NKIRAS2: variants seen among roughly 807,000 people sequenced by gnomAD.
NKIRAS2 encodes NF-kappa-B inhibitor-interacting Ras-like protein 2.
A neutral mutation model predicts 20.7 loss-of-function variants in NKIRAS2; 15 were observed. That is an observed-to-expected ratio of 0.73 (90% CI 0.49 to 1.12). The LOEUF (loss-of-function observed/expected upper bound fraction) is 1.12, where lower values mean the gene tolerates loss of function less well. Among genes scored for constraint, NKIRAS2 ranks in the 50% most tolerant of loss-of-function variants. The pLI is 0.00. For missense variants in NKIRAS2, 196 were observed against 249.6 expected (o/e 0.79, Z 1.45); for synonymous variants, 116 against 101.4 (o/e 1.14, Z -0.87).
At position 42,023,971 on chromosome 17, in the gene NKIRAS2, A is replaced by G; in HGVS notation, c.*78A>G. 1 of 1,556,596 alleles carries G rather than the reference A, an allele frequency of 6.4e-7. No individual in the cohort carries two copies. The highest frequency in any genetic ancestry group is 1.7e-4 in the Middle Eastern group (1 of 5,758). On this transcript the variant is annotated 3_prime_UTR_variant, in exon 4 of 4. Transcript: ENST00000393885. The stretch of plus-strand genomic sequence containing the variant: ...CTGGTAGATGTGTTGAGGGCAAAGT[A>G]GAGGACAAGCTGTCTTTCCCAGTCA...
chr17:42,018,158 T>C (rs1330940928), upstream of NKIRAS2, among the ~76,000 whole-genome samples: 1 of 151,840 alleles, frequency 6.6e-6, no homozygotes, highest in Non-Finnish European at 1.5e-5. Flanking sequence ...GCTCGCGGGG[T>C]GAGGTCCTTG....
chr17:42,020,635 G>T (rs1222851059), intron 1 of NKIRAS2: 1 of 152,180 alleles, frequency 6.6e-6, no homozygotes, highest in Non-Finnish European at 1.5e-5. Flanking sequence ...TTTTCCGTAG[G>T]TTTCTTCATT....
chr17:42,018,485 A>T (rs2052366314), upstream of NKIRAS2: 1 of 152,238 alleles, frequency 6.6e-6, no homozygotes, highest in South Asian at 2.1e-4. Flanking sequence ...TACTCTGCCT[A>T]TCCCAGTGTG....
chr17:42,019,809 C>T (rs376929659), upstream of NKIRAS2, among the ~76,000 whole-genome samples: 1 of 152,244 alleles, frequency 6.6e-6, no homozygotes, highest in Non-Finnish European at 1.5e-5. Context: ...AGATGATGCT[C>T]AGAAAACATT....
chr17:42,022,993 TTTTG>T (rs34613358), intron 3 of NKIRAS2: 11,813 of 286,622 alleles, frequency 0.041, 310 homozygotes, highest in East Asian at 0.085. Flanking sequence ...AAAGCCCTTC[TTTTG>T]TTTGTTTGTT....
At chr17:42,018,842 C>G (rs1004644017), upstream of NKIRAS2, among the ~76,000 whole-genome samples, 1 of 152,162 alleles carries the variant, frequency 6.6e-6, no homozygotes, top group Non-Finnish European at 1.5e-5. Context: ...ATCCAACTAT[C>G]TACTGGATAT....
Position 42,022,454 on chromosome 17 carries a change from C to G in NKIRAS2, c.150C>G (p.Asp50Glu), listed in dbSNP as rs1317516311. Residue 50 changes from aspartate to glutamate, a missense_variant, in exon 3 of 4, where the codon GAC (aspartate) becomes GAG (glutamate). Coordinates refer to ENST00000393885, the MANE Select transcript of NKIRAS2 (RefSeq NM_017595.6). ...TCTACGTGGGCTCCATTGAGACAGA[C>G]CGGGGGGTGCGAGAGCAGGTGCGTT... ...EDIYVGSIET[D>E]RGVREQVRFY... 6.2e-7 allele frequency: 1 copy of G among 1,610,892 alleles called. No homozygotes were observed. Among genetic ancestry groups the G allele is most frequent in the Non-Finnish European group, 8.5e-7 (1 of 1,177,416 alleles).
chr17:42,023,350 G>C (rs1227457082), intron 3 of NKIRAS2, among the ~76,000 whole-genome samples: 1 of 152,212 alleles, frequency 6.6e-6, no homozygotes, highest in Non-Finnish European at 1.5e-5. Context: ...AGGGTTCTGG[G>C]AGTGCTTCCT....
intron 2 of NKIRAS2, chr17:42,021,941 G>A: frequency 1.6e-6 from 1 of 634,448 alleles, no homozygotes; most frequent in East Asian, 3.5e-5. Flanking sequence ...CGGGTGCGGT[G>A]GATCACGCCT....
chr17:42,022,434 G>C lies in NKIRAS2; in HGVS notation c.130G>C (p.Val44Leu). 2 of 1,598,864 alleles carry C rather than the reference G, an allele frequency of 1.3e-6. No individual in the cohort carries two copies. The highest frequency in any genetic ancestry group is 1.7e-6 in the Non-Finnish European group (2 of 1,167,928). The change falls in exon 3 of 4, where the codon GTG (valine) becomes CTG (leucine). Residue 44 changes from valine (V) to leucine (L), a missense_variant. Val to Leu is a conservative substitution (Grantham distance 32). Coordinates refer to ENST00000393885, the MANE Select transcript of NKIRAS2 (RefSeq NM_017595.6). The part of the protein sequence containing the change: ...EMIETQEDIY[V>L]GSIETDRGVR... ...GATCGAGACGCAGGAGGACATCTAC[G>C]TGGGCTCCATTGAGACAGACCGGGG...
chr17:42,023,937 T>C lies in NKIRAS2; in HGVS notation c.*44T>C, dbSNP rs782810651. 1.2e-6 allele frequency: 2 copies of C among 1,600,404 alleles called. No individual in the cohort carries two copies. On this transcript the variant is annotated 3_prime_UTR_variant, in exon 4 of 4. Transcript: ENST00000393885. ...TCACGATCCCAGCCCCATTTCAGTG[T>C]CTGGGGCTCTGGTAGATGTGTTGAG...
At position 42,023,852 on chromosome 17, in the gene NKIRAS2, C is replaced by G. The variant is rs782606464; in HGVS notation, c.535C>G (p.Leu179Val). ...ACCCCAGAGCAAGTCTGCCTTCCCC[C>G]TCAGCCGGAAGAACAAGGGCAGCGG... ...TQPQSKSAFPLSRKNKGSGSL... is the reference protein window; with the variant it reads ...TQPQSKSAFPVSRKNKGSGSL... The change falls in exon 4 of 4, where the codon CTC becomes GTC. Residue 179 changes from leucine (L) to valine (V), a missense_variant. Coordinates refer to ENST00000393885, the MANE Select transcript of NKIRAS2 (RefSeq NM_017595.6). 1 of 1,614,094 alleles carries G rather than the reference C, an allele frequency of 6.2e-7. No homozygotes were observed.
intron 2 of NKIRAS2, 106 bp downstream of exon 2, chr17:42,021,777 C>T (rs2143439005): frequency 9.6e-7 from 1 of 1,040,582 alleles, no homozygotes; most frequent in South Asian, 1.3e-5. Flanking sequence ...TGGTTTTCCC[C>T]CCTGGAAGAA....
intron 2 of NKIRAS2, 56 bp from the exon 3 acceptor site, chr17:42,022,343 C>T (rs782391387): frequency 5.4e-5 from 82 of 1,527,124 alleles, no homozygotes; most frequent in Non-Finnish European, 6.9e-5. Flanking sequence ...ATGCTCTCAT[C>T]ACTCACATTT....
intron 1 of NKIRAS2, 58 bp from the exon 2 acceptor site, chr17:42,021,506 G>T (rs2052448332): frequency 7.0e-7 from 1 of 1,418,588 alleles, no homozygotes; most frequent in Admixed American, 1.7e-5. Flanking sequence ...GCTAGTAACT[G>T]CCTTCTGTGT....
upstream of NKIRAS2, chr17:42,017,698 G>T (rs1048786297): frequency 1.8e-6 from 1 of 546,566 alleles, no homozygotes; most frequent in Non-Finnish European, 3.3e-6. Context: ...TCTAGGGCTT[G>T]GCTGCTTTCA....
chr17:42,022,423 AG>A lies in NKIRAS2; in HGVS notation c.121del (p.Asp41ThrfsTer90). Reference protein sequence around the residue: ...VVGSEMIETQEDIYVGSIETD... With the variant: ...VVGSEMIETQXDIYVGSIETD... The stretch of plus-strand genomic sequence containing the variant: ...GGTTCGGAGATGATCGAGACGCAGG[AG>A]GACATCTACGTGGGCTCCATTGAGA... On this transcript the variant is annotated frameshift_variant, in exon 3 of 4. Coordinates refer to ENST00000393885, the MANE Select transcript of NKIRAS2 (RefSeq NM_017595.6). LOFTEE classifies it high-confidence loss of function. The A allele has an allele frequency of 6.3e-7, 1 of 1,593,414 alleles. No homozygotes were observed. The highest frequency in any genetic ancestry group is 8.6e-7 in the Non-Finnish European group (1 of 1,164,460).
chr17:42,022,993 T>TTTTG lies in NKIRAS2; in HGVS notation c.336+378_336+381dup, dbSNP rs34613358. ...GTGCTTTTAGCTATGAAAGCCCTTCTTTTGTTTGTTTGTTTGTTTGTTTGT... is the reference window on the plus strand; with the variant it reads ...GTGCTTTTAGCTATGAAAGCCCTTCTTTTGTTTGTTTGTTTGTTTGTTTGTTTGT... On this transcript the variant is annotated intron_variant, in intron 3 of 3. Coordinates refer to ENST00000393885, the MANE Select transcript of NKIRAS2 (RefSeq NM_017595.6). 7.2e-3 allele frequency: 2,087 copies of TTTTG among 287,978 alleles called. 14 individuals carry two copies. The highest frequency in any genetic ancestry group is 9.4e-3 in the Non-Finnish European group (1,350 of 143,298). 17.8% of individuals were successfully genotyped at this position (287,978 alleles called of 1,614,324 possible).
chr17:42,019,428 A>G (rs927965505), upstream of NKIRAS2, among the ~76,000 whole-genome samples: 7 of 152,170 alleles, frequency 4.6e-5, no homozygotes, highest in South Asian at 2.1e-4. Context: ...TTCATTGGCA[A>G]TGGCTTTCCA....
Sources: gnomAD v4.1 joint callset for allele counts (sites outside exome capture counted in the v4.1 genomes callset) on GRCh38, gnomAD v4.1.1 for gene constraint, MANE v1.5 for transcripts, NCBI Gene and HGNC (gene_info 2026-07-23, HGNC 2026-07-21) for gene names.